EPHA6: variants seen among roughly 807,000 people sequenced by gnomAD.
EPHA6 encodes ephrin type-A receptor 6.
In EPHA6, 50 loss-of-function variants were observed where a neutral mutation model predicts 112.0. The ratio of observed to expected loss-of-function variants is 0.45; its 90% CI spans 0.36 to 0.56. EPHA6 has a LOEUF of 0.56. Among genes scored for constraint, EPHA6 ranks in the 20% least tolerant of loss-of-function variants. The pLI is 0.00. For synonymous variants in EPHA6, 529 were observed against 490.7 expected, an observed-to-expected ratio of 1.08 and a Z score of -1.03; for missense variants, 1,280 against 1,417.4, an observed-to-expected ratio of 0.90 and a Z score of 1.56.
At chr3:97,573,993 G>T (rs2093358692) in intron 11 of EPHA6, among the ~76,000 whole-genome samples, 1 of 152,048 alleles carries the variant, frequency 6.6e-6, no homozygotes, top group African/African-American at 2.4e-5. Flanking sequence ...AAGATCCCTT[G>T]CTTGAATGAT....
intron 5 of EPHA6, among the ~76,000 whole-genome samples, chr3:97,361,317 G>A (rs961558975): frequency 1.3e-5 from 2 of 152,098 alleles, no homozygotes; most frequent in Non-Finnish European, 1.5e-5. Context: ...TGAGTCTTTT[G>A]CAAAAATGAT....
At chr3:97,739,246 CTCT>C (rs1275565192) in intron 16 of EPHA6, among the ~76,000 whole-genome samples, 2 of 152,094 alleles carry the variant, frequency 1.3e-5, no homozygotes, top group Non-Finnish European at 2.9e-5. Context: ...TCCACTGCAA[CTCT>C]TCTTAAATTC....
intron 3 of EPHA6, among the ~76,000 whole-genome samples, chr3:97,091,653 A>G (rs1227071411): frequency 6.6e-6 from 1 of 152,154 alleles, no homozygotes; most frequent in Non-Finnish European, 1.5e-5. Context: ...GCTAATATGT[A>G]TGTTAAATAA....
Position 97,228,379 on chromosome 3 carries a change from A to T in EPHA6, c.1270+1960A>T, listed in dbSNP as rs72924422. On this transcript the variant is annotated intron_variant, in intron 4 of 17. Transcript: ENST00000389672. ...TATCATTCTTATGTTGTTGCTCCTC[A>T]TACCTTAGCCACCAGTTATGTGAGA... 5.2e-3 allele frequency among the ~76,000 whole-genome samples: 788 copies of T among 152,046 alleles called. 11 individuals are homozygous for T. The highest frequency in any genetic ancestry group is 0.017 in the Middle Eastern group (5 of 294).
chr3:97,029,793 A>G (rs1237073304), intron 3 of EPHA6, among the ~76,000 whole-genome samples: 1 of 152,176 alleles, frequency 6.6e-6, no homozygotes, highest in Middle Eastern at 3.2e-3. Flanking sequence ...TGAAGTAAAT[A>G]AAGAAAATAT....
chr3:97,156,826 T>C (rs1045784722), intron 3 of EPHA6, among the ~76,000 whole-genome samples: 1 of 152,160 alleles, frequency 6.6e-6, no homozygotes, highest in African/African-American at 2.4e-5. Context: ...TCAATATAGG[T>C]ATTCCAGTGT....
intron 10 of EPHA6, among the ~76,000 whole-genome samples, chr3:97,507,257 T>C (rs895529295): frequency 6.6e-6 from 1 of 152,172 alleles, no homozygotes; most frequent in African/African-American, 2.4e-5. Context: ...TCAATGGGAG[T>C]GCTTCCAGCT....
chr3:97,608,642 G>A (rs2093696662), intron 12 of EPHA6, among the ~76,000 whole-genome samples: 1 of 151,286 alleles, frequency 6.6e-6, no homozygotes, highest in African/African-American at 2.4e-5. Context: ...AGTGGGGAGA[G>A]ACGGTAAGAT....
intron 3 of EPHA6, among the ~76,000 whole-genome samples, chr3:97,001,813 T>G (rs1482882961): frequency 6.6e-6 from 1 of 151,940 alleles, no homozygotes; most frequent in Non-Finnish European, 1.5e-5. Context: ...ATGGGAACAT[T>G]GAGACCGTAA....
chr3:96,943,950 A>C (rs1377272681), intron 2 of EPHA6, among the ~76,000 whole-genome samples: 3 of 152,260 alleles, frequency 2.0e-5, no homozygotes, highest in Admixed American at 1.3e-4. Context: ...TATATGATAT[A>C]TCAATAATGT....
intron 2 of EPHA6, among the ~76,000 whole-genome samples, chr3:96,885,233 C>T (rs1207964758): frequency 6.6e-6 from 1 of 152,086 alleles, no homozygotes; most frequent in Non-Finnish European, 1.5e-5. Context: ...GTGATGCTGG[C>T]TTCATCGAAT....
intron 4 of EPHA6, among the ~76,000 whole-genome samples, chr3:97,236,067 G>GC (rs1438000396): frequency 6.6e-6 from 1 of 151,518 alleles, no homozygotes; most frequent in Non-Finnish European, 1.5e-5. Flanking sequence ...TTAAATATAT[G>GC]CTCTGTACTT....
chr3:97,640,922 A>C (rs1347170137), intron 14 of EPHA6, among the ~76,000 whole-genome samples: 1 of 152,244 alleles, frequency 6.6e-6, no homozygotes, highest in East Asian at 1.9e-4. Flanking sequence ...TAGGGCAATG[A>C]CAGTTGGAAT....
intron 14 of EPHA6, among the ~76,000 whole-genome samples, chr3:97,641,630 G>T (rs1398988219): frequency 1.3e-5 from 2 of 152,262 alleles, no homozygotes; most frequent in Non-Finnish European, 2.9e-5. Context: ...CCTCCCTTGG[G>T]AAGCGCAAGG....
chr3:97,596,323 A>T (rs951340277), intron 12 of EPHA6, among the ~76,000 whole-genome samples: 1 of 152,226 alleles, frequency 6.6e-6, no homozygotes, highest in Non-Finnish European at 1.5e-5. Flanking sequence ...TTTATATGCC[A>T]TAGAGTATTG....
At chr3:97,424,226 G>C (rs905718570) in intron 6 of EPHA6, among the ~76,000 whole-genome samples, 4 of 152,128 alleles carry the variant, frequency 2.6e-5, no homozygotes, top group African/African-American at 9.7e-5. Context: ...ACAGTATGGG[G>C]AAACTGTCCC....
intron 5 of EPHA6, among the ~76,000 whole-genome samples, chr3:97,310,136 A>AC (rs2081487938): frequency 6.6e-6 from 1 of 151,130 alleles, no homozygotes; most frequent in Admixed American, 6.6e-5. Context: ...CCTCACTCCC[A>AC]CCCCCACAAC....
At chr3:97,068,366 G>A (rs1267007645) in intron 3 of EPHA6, among the ~76,000 whole-genome samples, 2 of 152,014 alleles carry the variant, frequency 1.3e-5, no homozygotes, top group African/African-American at 4.8e-5. Flanking sequence ...AAGCAGAGGT[G>A]TTTGGTATGA....
intron 3 of EPHA6, among the ~76,000 whole-genome samples, chr3:97,204,930 G>A (rs1373790523): frequency 2.0e-5 from 3 of 151,994 alleles, no homozygotes; most frequent in East Asian, 1.9e-4. Context: ...AAGGGAGAAG[G>A]GGAGAAATGT....
Sources: allele counts gnomAD v4.1 joint callset (sites outside exome capture counted in the v4.1 genomes callset), GRCh38; gene constraint gnomAD v4.1.1; transcripts MANE v1.5; gene names NCBI Gene and HGNC (gene_info 2026-07-23, HGNC 2026-07-21).